Variants in PIEZO2 observed in about 807,000 individuals in gnomAD.
PIEZO2 encodes piezo type mechanosensitive ion channel component 2.
A neutral mutation model predicts 337.3 loss-of-function variants in PIEZO2; 172 were observed. The ratio of observed to expected loss-of-function variants is 0.51; its 90% confidence interval spans 0.45 to 0.58. PIEZO2 has a LOEUF of 0.58. Among genes scored for constraint, PIEZO2 ranks in the 20% least tolerant of loss-of-function variants. The pLI is 0.00. For missense variants in PIEZO2, 3,028 were observed against 3,391.3 expected (o/e 0.89, Z 2.66); for synonymous variants, 1,251 against 1,228.5 (o/e 1.02, Z -0.38).
Position 10,758,103 on chromosome 18 carries a change from T to C in PIEZO2, c.3789A>G (p.Leu1263=), listed in dbSNP as rs1598439653. ...YDFMLLLCAS[L]QRQIFEDENK... is the part of the protein sequence containing the mutation. ...TCTCATCCTCAAAAATCTGCCGTTG[T>C]AAGGAGGCACACAGAAGCAGCATGA... The change falls in exon 27 of 56, where the codon TTA becomes TTG. Residue 1263 remains leucine, a synonymous_variant. Coordinates refer to ENST00000674853, the MANE Select transcript of PIEZO2 (RefSeq NM_001378183.1). 2 of 1,537,662 alleles carry C rather than the reference T, an allele frequency of 1.3e-6. No individual in the cohort carries two copies. The highest frequency in any genetic ancestry group is 8.7e-7 in the Non-Finnish European group (1 of 1,146,918).
chr18:10,839,560 T>C (rs1242434040), intron 7 of PIEZO2, among the ~76,000 whole-genome samples: 1 of 151,898 alleles, frequency 6.6e-6, no homozygotes, highest in African/African-American at 2.4e-5. Flanking sequence ...GCCAGACCAC[T>C]TCATGTGCTG....
intron 4 of PIEZO2, among the ~76,000 whole-genome samples, chr18:10,906,712 C>A (rs548830123): frequency 1.5e-4 from 23 of 152,192 alleles, no homozygotes; most frequent in African/African-American, 5.5e-4. Flanking sequence ...AGGCACATGC[C>A]GCCACGCCTG....
rs1400763523 is a variant in PIEZO2 at position 10,718,207 on chromosome 18, A to T, written c.5082T>A (p.Asp1694Glu). 1 of 1,536,678 alleles carries T rather than the reference A, an allele frequency of 6.5e-7. No individual in the cohort carries two copies. The highest frequency in any genetic ancestry group is 2.4e-5 in the East Asian group (1 of 40,900). ...TTGTCTTTATTTTGTTACCTGGTCC[A>T]TCGGATTTCTTTTTGATTGGTTCAT... ...REDEPIKKKS[D>E]GPDNIIKRIF... Residue 1694 changes from aspartate (D) to glutamate (E), a missense_variant, in exon 37 of 56, where the codon GAT becomes GAA. Around this residue, in one of 5 missense-constraint regions of PIEZO2, gnomAD observed 1,925 missense variants for 2,051.9 expected, o/e 0.94. Coordinates refer to ENST00000674853, the MANE Select transcript of PIEZO2 (RefSeq NM_001378183.1).
chr18:11,055,331 CT>C (rs1458873111), intron 2 of PIEZO2, among the ~76,000 whole-genome samples: 1 of 151,720 alleles, frequency 6.6e-6, no homozygotes, highest in Non-Finnish European at 1.5e-5. Context: ...GGGTGTGCAA[CT>C]CCAGCTCTTG....
Position 10,702,036 on chromosome 18 carries a change from C to A in PIEZO2, c.6394G>T (p.Asp2132Tyr), listed in dbSNP as rs2035362295. 1 of 1,536,274 alleles carries A rather than the reference C, an allele frequency of 6.5e-7. No individual in the cohort carries two copies. The highest frequency in any genetic ancestry group is 8.7e-7 in the Non-Finnish European group (1 of 1,146,616). Residue 2132 changes from aspartate (D) to tyrosine (Y), a missense_variant, in exon 43 of 56, where the codon GAC (aspartate) becomes TAC (tyrosine). Asp to Tyr is a radical substitution (Grantham distance 160). Around this residue, in one of 5 missense-constraint regions of PIEZO2, gnomAD observed 1,925 missense variants for 2,051.9 expected, o/e 0.94. Coordinates refer to ENST00000674853, the MANE Select transcript of PIEZO2 (RefSeq NM_001378183.1). The stretch of plus-strand genomic sequence containing the variant: ...AACAGAGCCAGGAGCTGGATGAGGT[C>A]ATAGAGAACATAACCTTCCTTCTTT... ...VEKKEGYVLYDLIQLLALFFH... is the reference protein window; with the variant it reads ...VEKKEGYVLYYLIQLLALFFH...
intron 15 of PIEZO2, among the ~76,000 whole-genome samples, chr18:10,788,167 C>T (rs1005417713): frequency 1.7e-4 from 26 of 152,088 alleles, no homozygotes; most frequent in Admixed American, 7.2e-4. Flanking sequence ...TCTGGAAGGC[C>T]GAGGAGGGCA....
intron 2 of PIEZO2, among the ~76,000 whole-genome samples, chr18:11,044,344 AC>A (rs2037228776): frequency 6.6e-6 from 1 of 152,128 alleles, no homozygotes; most frequent in Admixed American, 6.6e-5. Context: ...TTTCTTTCAC[AC>A]CCGCTTCTTT....
At chr18:10,874,451 C>T (rs1568152752) in intron 4 of PIEZO2, among the ~76,000 whole-genome samples, 1 of 152,132 alleles carries the variant, frequency 6.6e-6, no homozygotes, top group Admixed American at 6.5e-5. Flanking sequence ...ATCCAGCAAT[C>T]CCACTGCTAG....
At chr18:10,911,698 G>T (rs181064405) in intron 3 of PIEZO2, among the ~76,000 whole-genome samples, 1 of 152,284 alleles carries the variant, frequency 6.6e-6, no homozygotes, top group East Asian at 1.9e-4. Context: ...AGGTTGCAGT[G>T]AGTCAAGATC....
chr18:11,127,062 G>T lies in PIEZO2; in HGVS notation c.64+21463C>A, dbSNP rs1490021559. On this transcript the variant is annotated intron_variant, in intron 1 of 55. Transcript: ENST00000674853. The surrounding 1 kb of genome is among the most constrained non-coding windows in gnomAD (Gnocchi z 4.5). ...TGGAACAAACGGTTTAGTTGGAGGA[G>T]AGAGAAGGAGGCAGGAGGCAGATAT... Among the ~76,000 whole-genome samples, 1 of 152,190 alleles carries T rather than the reference G, an allele frequency of 6.6e-6. No individual in the cohort carries two copies. Among genetic ancestry groups the T allele is most frequent in the East Asian group, 1.9e-4 (1 of 5,194 alleles).
At chr18:10,718,050 G>A (rs1453295715) in intron 37 of PIEZO2, 150 bp downstream of exon 37, 2 of 690,958 alleles carry the variant, frequency 2.9e-6, no homozygotes, top group Admixed American at 2.7e-5. Context: ...TTTCAGTGGA[G>A]ATGAGATTCC....
intron 3 of PIEZO2, among the ~76,000 whole-genome samples, chr18:10,917,053 G>T (rs1305012565): frequency 1.3e-5 from 2 of 152,162 alleles, no homozygotes; most frequent in African/African-American, 2.4e-5. Context: ...CAGGCCCTGA[G>T]AATTCTCCTG....
At chr18:10,737,557 C>T (rs1163294553) in intron 33 of PIEZO2, 1 of 152,206 alleles carries the variant, frequency 6.6e-6, no homozygotes, top group East Asian at 1.9e-4. Context: ...GACCACAAGA[C>T]ACAAAGCACA....
At position 10,746,760 on chromosome 18, in the gene PIEZO2, T is replaced by C. The variant is rs1322115342; in HGVS notation, c.4424+1711A>G. 6.6e-6 allele frequency among the ~76,000 whole-genome samples: 1 copy of C among 152,216 alleles called. No individual in the cohort carries two copies. Among genetic ancestry groups the C allele is most frequent in the Non-Finnish European group, 1.5e-5 (1 of 68,042 alleles). ...ACCAAAATAGGATGCAGTGGGAAGATGGCCATCTATGAGGAAGTGGGCCCT... is the reference window on the plus strand; with the variant it reads ...ACCAAAATAGGATGCAGTGGGAAGACGGCCATCTATGAGGAAGTGGGCCCT... On this transcript the variant is annotated intron_variant, in intron 30 of 55. Coordinates refer to ENST00000674853, the MANE Select transcript of PIEZO2 (RefSeq NM_001378183.1). The surrounding 1 kb of genome is among the most constrained non-coding windows in gnomAD (Gnocchi z 4.2).
intron 1 of PIEZO2, among the ~76,000 whole-genome samples, chr18:11,108,618 A>T (rs931374097): frequency 0.056 from 8,180 of 147,024 alleles, 194 homozygotes; most frequent in Admixed American, 0.089. Context: ...CCTCTCAAAA[A>T]AAAAAAAAAA....
chr18:10,703,938 C>T (rs987001373), intron 42 of PIEZO2, among the ~76,000 whole-genome samples: 24 of 152,142 alleles, frequency 1.6e-4, no homozygotes, highest in African/African-American at 3.6e-4. Context: ...TCCAAAGTGC[C>T]GGACTGTATG....
chr18:11,072,955 G>A (rs1316129005), intron 1 of PIEZO2, among the ~76,000 whole-genome samples: 2 of 152,178 alleles, frequency 1.3e-5, no homozygotes, highest in East Asian at 3.9e-4. Context: ...TTAGCACAGG[G>A]CCCTCTGTGA....
rs1301055918 is a variant in PIEZO2 at position 11,032,974 on chromosome 18, T to C, written c.160+33153A>G. The stretch of plus-strand genomic sequence containing the variant: ...ACTCACAGTCAAGGTAGATGAGAAA[T>C]GAGTGAGGTTGGCTTCTGCCTCCCT... On this transcript the variant is annotated intron_variant, in intron 2 of 55. Coordinates refer to ENST00000674853, the MANE Select transcript of PIEZO2 (RefSeq NM_001378183.1). The surrounding 1 kb of genome is among the most constrained non-coding windows in gnomAD (Gnocchi z 4.9). 6.6e-6 allele frequency among the ~76,000 whole-genome samples: 1 copy of C among 152,112 alleles called. No individual in the cohort carries two copies. The highest frequency in any genetic ancestry group is 6.5e-5 in the Admixed American group (1 of 15,268).
intron 2 of PIEZO2, among the ~76,000 whole-genome samples, chr18:11,054,883 C>T (rs1336872338): frequency 6.6e-6 from 1 of 152,112 alleles, no homozygotes; most frequent in Non-Finnish European, 1.5e-5. Flanking sequence ...GCCTGAGAAA[C>T]TGGAGGGCAG....
Sources: gnomAD v4.1 joint callset for allele counts (sites outside exome capture counted in the v4.1 genomes callset) on GRCh38, gnomAD v4.1.1 for gene constraint, gnomAD v4.1.1 regional missense constraint, Gnocchi (gnomAD v3.1) non-coding constraint, MANE v1.5 for transcripts, NCBI Gene and HGNC (gene_info 2026-07-23, HGNC 2026-07-21) for gene names.